PTPRK: variants seen among roughly 807,000 people sequenced by gnomAD.
PTPRK encodes the protein protein tyrosine phosphatase receptor type K, also known as receptor-type tyrosine-protein phosphatase kappa.
Under a neutral mutation model 178.0 loss-of-function variants are expected in PTPRK, and 75 were observed. The ratio of observed to expected loss-of-function variants is 0.42; its 90% CI spans 0.35 to 0.51. The LOEUF (loss-of-function observed/expected upper bound fraction) is 0.51, where lower values mean the gene tolerates loss of function less well. Ranked by LOEUF, PTPRK falls within the 20% of genes least tolerant of loss-of-function variation. The pLI is 0.02. For missense variants in PTPRK, 1,441 were observed against 1,797.8 expected (o/e 0.80, Z 3.59); for synonymous variants, 637 against 620.6 (o/e 1.03, Z -0.39).
chr6:128,005,010 C>A, intron 15 of PTPRK, 74 bp downstream of exon 15: 1 of 1,308,366 alleles, frequency 7.6e-7, no homozygotes, highest in Non-Finnish European at 1.1e-6. Flanking sequence ...TCTCATTACT[C>A]AAAAGGTATC....
chr6:128,256,999 G>A (rs1350349101), intron 3 of PTPRK, among the ~76,000 whole-genome samples: 1 of 151,958 alleles, frequency 6.6e-6, no homozygotes, highest in Non-Finnish European at 1.5e-5. Context: ...GGGAGGCCGA[G>A]GCAGGAGGAT....
intron 1 of PTPRK, among the ~76,000 whole-genome samples, chr6:128,478,037 G>A (rs374028404): frequency 2.6e-5 from 4 of 152,064 alleles, no homozygotes; most frequent in Admixed American, 6.6e-5. Flanking sequence ...TGTGTGGAAC[G>A]TCATTTAAAC....
intron 2 of PTPRK, among the ~76,000 whole-genome samples, chr6:128,394,098 A>G (rs1395293831): frequency 6.6e-6 from 1 of 152,210 alleles, no homozygotes; most frequent in East Asian, 1.9e-4. Context: ...TGAAACTTAC[A>G]TAATTTATAT....
rs1331501788 is a variant in PTPRK, at chr6:128,058,977, T to C, written c.2194+5781A>G. Among the ~76,000 whole-genome samples the C allele has an allele frequency of 5.3e-5, 8 of 152,164 alleles. No individual in the cohort carries two copies. The East Asian group carries it at 1.5e-3, about 29-fold the overall frequency. On this transcript the variant is annotated intron_variant, in intron 13 of 29. Transcript: ENST00000368226. ...GTTTTACCTTTGTCATAAAAAATGG[T>C]GAACGTGTGTGTGCATCTATTACTG...
At chr6:128,018,608 G>A (rs1053921872) in intron 13 of PTPRK, among the ~76,000 whole-genome samples, 2 of 151,860 alleles carry the variant, frequency 1.3e-5, no homozygotes, top group Non-Finnish European at 2.9e-5. Flanking sequence ...TTGGTAAAAT[G>A]GAGATTGAGT....
chr6:127,999,941 A>C, intron 15 of PTPRK: 1 of 905,664 alleles, frequency 1.1e-6, no homozygotes, highest in Non-Finnish European at 1.3e-6. Context: ...GAAACTTTAA[A>C]TTCTTTTTCT....
At chr6:128,235,132 T>C (rs778098708) in intron 5 of PTPRK, among the ~76,000 whole-genome samples, 1 of 152,118 alleles carries the variant, frequency 6.6e-6, no homozygotes, top group Non-Finnish European at 1.5e-5. Context: ...CCCATAAATA[T>C]GTACAAGTAG....
intron 2 of PTPRK, among the ~76,000 whole-genome samples, chr6:128,329,920 G>C (rs1454919161): frequency 1.3e-5 from 2 of 152,174 alleles, no homozygotes; most frequent in South Asian, 2.1e-4. Context: ...GAATCAGATT[G>C]TTATGTATGA....
chr6:128,408,250 T>C (rs1841922277), intron 1 of PTPRK, among the ~76,000 whole-genome samples: 1 of 151,890 alleles, frequency 6.6e-6, no homozygotes, highest in African/African-American at 2.4e-5. Flanking sequence ...TAGTTGGGCG[T>C]GGTGGCGGGC....
intron 11 of PTPRK, among the ~76,000 whole-genome samples, chr6:128,073,096 GT>G (rs979120115): frequency 6.6e-6 from 1 of 152,036 alleles, no homozygotes; most frequent in Non-Finnish European, 1.5e-5. Context: ...GTTAAAAATA[GT>G]TTTTTAGGTA....
intron 13 of PTPRK, among the ~76,000 whole-genome samples, chr6:128,019,902 T>A (rs564605690): frequency 6.6e-6 from 1 of 152,076 alleles, no homozygotes; most frequent in Non-Finnish European, 1.5e-5. Context: ...ATGGTGTGGG[T>A]TTTTTTAAGT....
intron 3 of PTPRK, among the ~76,000 whole-genome samples, chr6:128,305,567 G>T (rs1003476650): frequency 1.3e-5 from 2 of 152,080 alleles, no homozygotes; most frequent in African/African-American, 2.4e-5. Flanking sequence ...AAATAGAAAT[G>T]AAACATTTAT....
chr6:128,404,019 A>G (rs534003224), intron 1 of PTPRK, among the ~76,000 whole-genome samples: 1 of 152,256 alleles, frequency 6.6e-6, no homozygotes, highest in Non-Finnish European at 1.5e-5. Context: ...AACAGGCCAC[A>G]GTCTGAATTT....
At chr6:128,377,193 A>T (rs768498827) in intron 2 of PTPRK, among the ~76,000 whole-genome samples, 23 of 152,186 alleles carry the variant, frequency 1.5e-4, no homozygotes, top group Admixed American at 1.3e-4. Flanking sequence ...GATGTAACGT[A>T]CCTGACGTTG....
intron 3 of PTPRK, 96 bp downstream of exon 3, chr6:128,321,943 C>A: frequency 6.5e-7 from 1 of 1,537,496 alleles, no homozygotes; most frequent in Non-Finnish European, 8.9e-7. Flanking sequence ...AGGGCAATCT[C>A]TCATTACCAT....
intron 13 of PTPRK, among the ~76,000 whole-genome samples, chr6:128,040,380 C>T (rs1776971797): frequency 6.6e-6 from 1 of 152,112 alleles, no homozygotes; most frequent in Middle Eastern, 3.4e-3. Context: ...GTGAAACCAT[C>T]CCTACCTCAG....
chr6:128,213,247 A>C (rs1183652875), intron 6 of PTPRK, among the ~76,000 whole-genome samples: 4 of 152,050 alleles, frequency 2.6e-5, no homozygotes, highest in African/African-American at 4.8e-5. Context: ...TTGAACACTG[A>C]ATCACCTGAA....
At position 128,436,273 on chromosome 6, in the gene PTPRK, C is replaced by T. The variant is rs182105174; in HGVS notation, c.101-38585G>A. 1.4e-4 allele frequency among the ~76,000 whole-genome samples: 22 copies of T among 152,040 alleles called. No individual in the cohort carries two copies. The East Asian group carries it at 3.9e-3, about 27-fold the overall frequency. On this transcript the variant is annotated intron_variant, in intron 1 of 29. Coordinates refer to ENST00000368226, the MANE Select transcript of PTPRK (RefSeq NM_002844.4). The stretch of plus-strand genomic sequence containing the variant: ...GAAAATAATAAATTAACCATAATAG[C>T]AATTAAAACTATACTAACAAGTAAA...
At chr6:128,518,985 A>T (rs1296048048) in intron 1 of PTPRK, 1 of 498,978 alleles carries the variant, frequency 2.0e-6, no homozygotes. Context: ...ACAACGTGAG[A>T]AACTGTCAGG....
Sources: allele counts gnomAD v4.1 joint callset (sites outside exome capture counted in the v4.1 genomes callset), GRCh38; gene constraint gnomAD v4.1.1; transcripts MANE v1.5; gene names NCBI Gene and HGNC (gene_info 2026-07-23, HGNC 2026-07-21).